PDZRN3: variants seen among roughly 807,000 people sequenced by gnomAD.
PDZRN3 encodes the protein PDZ domain containing ring finger 3.
PDZRN3 carries 38 observed loss-of-function variants against 85.7 expected under a neutral mutation model. That is an observed-to-expected ratio of 0.44 (90% CI 0.34 to 0.58). The LOEUF is 0.58. PDZRN3 is among the 20% of genes least tolerant of loss of function. The probability of loss-of-function intolerance (pLI) is 0.01; values close to 1 mark genes in which losing one functional copy is unlikely to be tolerated. For missense variants in PDZRN3, 1,629 were observed against 1,506.4 expected, an observed-to-expected ratio of 1.08 and a Z score of -1.35; for synonymous variants, 759 against 638.0, an observed-to-expected ratio of 1.19 and a Z score of -2.86.
intron 3 of PDZRN3, among the ~76,000 whole-genome samples, chr3:73,567,579 C>T (rs1701972111): frequency 6.6e-6 from 1 of 152,138 alleles, no homozygotes; most frequent in Non-Finnish European, 1.5e-5. Flanking sequence ...AGAAAAAACT[C>T]CCCCAAAAGC....
At position 73,614,310 on chromosome 3, in the gene PDZRN3, T is replaced by C. The variant is rs537156189; in HGVS notation, c.724-5626A>G. 3.3e-5 allele frequency among the ~76,000 whole-genome samples: 5 copies of C among 152,306 alleles called. No individual in the cohort carries two copies. The South Asian group carries it at 1.0e-3, about 32-fold the overall frequency. On this transcript the variant is annotated intron_variant, in intron 1 of 9. Coordinates refer to ENST00000263666, the MANE Select transcript of PDZRN3 (RefSeq NM_015009.3). ...CCATCTATTGGCAAAGTCCCTTTTCTCTTTAGTATTACTCTGTCACCATTC... is the reference window on the plus strand; with the variant it reads ...CCATCTATTGGCAAAGTCCCTTTTCCCTTTAGTATTACTCTGTCACCATTC...
At chr3:73,442,978 C>T (rs1027727769) in intron 3 of PDZRN3, among the ~76,000 whole-genome samples, 1 of 152,154 alleles carries the variant, frequency 6.6e-6, no homozygotes, top group Non-Finnish European at 1.5e-5. Context: ...TACCTCCCTC[C>T]CTCCCTTTCT....
At chr3:73,416,850 G>GTT (rs1233217783) in intron 3 of PDZRN3, among the ~76,000 whole-genome samples, 1 of 111,630 alleles carries the variant, frequency 9.0e-6, no homozygotes, top group Non-Finnish European at 2.0e-5. Context: ...ACCTGCCTAG[G>GTT]TTTTTTTTTT....
At chr3:73,583,252 A>G (rs759506906) in intron 3 of PDZRN3, among the ~76,000 whole-genome samples, 2 of 152,192 alleles carry the variant, frequency 1.3e-5, no homozygotes, top group African/African-American at 2.4e-5. Context: ...CGTAGCAAAA[A>G]TATCAGAGCT....
intron 7 of PDZRN3, 50 bp downstream of exon 7, chr3:73,389,766 T>C (rs1701480884): frequency 7.7e-7 from 1 of 1,299,870 alleles, no homozygotes; most frequent in African/African-American, 1.5e-5. Flanking sequence ...AACCAGTTTG[T>C]TCTTTAGTGA....
intron 3 of PDZRN3, among the ~76,000 whole-genome samples, chr3:73,510,266 T>C (rs1022512700): frequency 1.1e-4 from 17 of 152,172 alleles, no homozygotes; most frequent in Non-Finnish European, 2.1e-4. Flanking sequence ...ATAAATATAG[T>C]TCATGGGTAT....
chr3:73,611,069 C>T (rs996077114), intron 1 of PDZRN3, among the ~76,000 whole-genome samples: 5 of 152,194 alleles, frequency 3.3e-5, no homozygotes, highest in Admixed American at 2.6e-4. Context: ...CAGACCCATA[C>T]TTCCCAATCC....
intron 3 of PDZRN3, among the ~76,000 whole-genome samples, chr3:73,411,072 A>G (rs553066648): frequency 2.0e-5 from 3 of 152,236 alleles, no homozygotes; most frequent in Non-Finnish European, 4.4e-5. Context: ...TAAAAAGTAC[A>G]CAAGTATTCA....
At chr3:73,466,071 G>C (rs996087328) in intron 3 of PDZRN3, among the ~76,000 whole-genome samples, 1 of 152,164 alleles carries the variant, frequency 6.6e-6, no homozygotes, top group African/African-American at 2.4e-5. Context: ...AAAGGAAAAG[G>C]CAACTGGGGG....
intron 3 of PDZRN3, among the ~76,000 whole-genome samples, chr3:73,593,482 T>C (rs1329765307): frequency 2.0e-5 from 3 of 152,110 alleles, no homozygotes; most frequent in African/African-American, 7.2e-5. Flanking sequence ...GGAGAGACAC[T>C]CTGCCAAAGA....
chr3:73,425,257 A>G (rs1702288933), intron 3 of PDZRN3, among the ~76,000 whole-genome samples: 1 of 151,858 alleles, frequency 6.6e-6, no homozygotes, highest in African/African-American at 2.4e-5. Context: ...TGACCTAGTG[A>G]TCCACCCGCC....
intron 3 of PDZRN3, among the ~76,000 whole-genome samples, chr3:73,557,441 G>C (rs1193071802): frequency 6.6e-6 from 1 of 152,132 alleles, no homozygotes; most frequent in Non-Finnish European, 1.5e-5. Flanking sequence ...CTTATGATAT[G>C]AATTTTTCAT....
chr3:73,427,044 A>G (rs1464883071), intron 3 of PDZRN3, among the ~76,000 whole-genome samples: 1 of 152,220 alleles, frequency 6.6e-6, no homozygotes, highest in Admixed American at 6.5e-5. Flanking sequence ...AATATCATCA[A>G]ATGTATTTGG....
At chr3:73,430,727 C>T (rs1702414599) in intron 3 of PDZRN3, among the ~76,000 whole-genome samples, 1 of 152,200 alleles carries the variant, frequency 6.6e-6, no homozygotes, top group African/African-American at 2.4e-5. Context: ...CCACCCTTAG[C>T]TGGATTCCAG....
chr3:73,532,938 T>C (rs1026375130), intron 3 of PDZRN3, among the ~76,000 whole-genome samples: 5 of 152,180 alleles, frequency 3.3e-5, no homozygotes, highest in African/African-American at 9.7e-5. Flanking sequence ...CAGAAGAATC[T>C]AGAAATCTAG....
chr3:73,444,882 G>T (rs1702717815), intron 3 of PDZRN3, among the ~76,000 whole-genome samples: 1 of 152,216 alleles, frequency 6.6e-6, no homozygotes, highest in East Asian at 1.9e-4. Context: ...CACACGTGAG[G>T]AAACGCAGAA....
intron 3 of PDZRN3, among the ~76,000 whole-genome samples, chr3:73,571,158 A>G (rs1014989737): frequency 2.0e-5 from 3 of 152,248 alleles, no homozygotes; most frequent in Non-Finnish European, 4.4e-5. Context: ...AACAACATAC[A>G]ATCTCAGTCC....
At chr3:73,404,065 ATT>A in intron 4 of PDZRN3, 81 bp downstream of exon 4, 1 of 1,386,978 alleles carries the variant, frequency 7.2e-7, no homozygotes, top group South Asian at 1.4e-5. Context: ...GGGTGCATTA[ATT>A]TTTTTCACCA....
intron 3 of PDZRN3, among the ~76,000 whole-genome samples, chr3:73,520,809 C>T (rs555187122): frequency 1.3e-5 from 2 of 152,178 alleles, no homozygotes; most frequent in South Asian, 4.1e-4. Flanking sequence ...AGGAAGAAAC[C>T]TGAAGCTAGG....
Sources: allele counts gnomAD v4.1 joint callset (sites outside exome capture counted in the v4.1 genomes callset), GRCh38; gene constraint gnomAD v4.1.1; transcripts MANE v1.5; gene names NCBI Gene and HGNC (gene_info 2026-07-23, HGNC 2026-07-21).